Variants in MPLKIP observed in about 807,000 individuals in gnomAD.
The protein encoded by MPLKIP is M-phase specific PLK1 interacting protein.
A neutral mutation model predicts 16.9 loss-of-function variants in MPLKIP; 16 were observed. That is an observed-to-expected ratio of 0.94 (90% confidence interval 0.64 to 1.43). The LOEUF (loss-of-function observed/expected upper bound fraction) is 1.43, where lower values mean the gene tolerates loss of function less well. MPLKIP is among the 40% of genes most tolerant of loss of function. MPLKIP has a pLI of 0.00. For synonymous variants in MPLKIP, 126 were observed against 98.4 expected (o/e 1.28, Z -1.66); for missense variants, 282 against 237.6 (o/e 1.19, Z -1.23).
rs1254535475 is a variant in MPLKIP, at chr7:40,129,915, A to G, written c.*3144T>C. 6.6e-6 allele frequency: 1 copy of G among 152,182 alleles called. No individual in the cohort carries two copies. The highest frequency in any genetic ancestry group is 2.4e-5 in the African/African-American group (1 of 41,442). The allele number at this position is 152,182 out of a possible 1,614,324, so 9.4% of individuals were successfully genotyped here. A position where few individuals can be genotyped will look rare whatever the true frequency, so the allele number is the denominator to read the frequency against. On this transcript the variant is annotated 3_prime_UTR_variant, in exon 2 of 2. Coordinates refer to ENST00000306984, the MANE Select transcript of MPLKIP (RefSeq NM_138701.4). ...GTTGGGGTCATTTCTGCAAAACACA[A>G]CTTGCCATAGGTTTCTTTTGTAAAA...
Position 40,127,617 on chromosome 7 carries a change from G to C in MPLKIP, c.*5442C>G, listed in dbSNP as rs1467399758. The C allele has an allele frequency of 6.6e-6, 1 of 152,052 alleles. No homozygotes were observed. Among genetic ancestry groups the C allele is most frequent in the African/African-American group, 2.4e-5 (1 of 41,386 alleles). 9.4% of individuals were successfully genotyped at this position (152,052 alleles called of 1,614,324 possible). On this transcript the variant is annotated 3_prime_UTR_variant, in exon 2 of 2. Coordinates refer to ENST00000306984, the MANE Select transcript of MPLKIP (RefSeq NM_138701.4). ...ATGTATTTAACATCTCTGAAATTAA[G>C]ATGTATCTTATAATCAATGACATGT...
Position 40,129,138 on chromosome 7 carries a change from G to C in MPLKIP, c.*3921C>G, listed in dbSNP as rs932593568. Reference sequence around the variant, plus strand: ...CCTTTCACACAATGTACCCACAAAGGAAATGATTTTTTGAATAGTCCAGAA... The same window carrying C: ...CCTTTCACACAATGTACCCACAAAGCAAATGATTTTTTGAATAGTCCAGAA... On this transcript the variant is annotated 3_prime_UTR_variant, in exon 2 of 2. Coordinates refer to ENST00000306984, the MANE Select transcript of MPLKIP (RefSeq NM_138701.4). 6.6e-6 allele frequency: 1 copy of C among 151,966 alleles called. No individual in the cohort carries two copies. Among genetic ancestry groups the C allele is most frequent in the Non-Finnish European group, 1.5e-5 (1 of 68,024 alleles). 9.4% of individuals were successfully genotyped at this position (151,966 alleles called of 1,614,324 possible). A position where few individuals can be genotyped will look rare whatever the true frequency, so the allele number is the denominator to read the frequency against.
rs1378235959 is a variant in MPLKIP at position 40,129,516 on chromosome 7, A to G, written c.*3543T>C. 6.6e-6 allele frequency: 1 copy of G among 151,914 alleles called. No individual in the cohort carries two copies. Among genetic ancestry groups the G allele is most frequent in the Non-Finnish European group, 1.5e-5 (1 of 68,036 alleles). The allele number at this position is 151,914 out of a possible 1,614,324, so 9.4% of individuals were successfully genotyped here. The stretch of plus-strand genomic sequence containing the variant: ...AAGTGATCTGCCCACCTGGGCTCCC[A>G]AAGTGCTGGGATTACAGGTGTGAGC... On this transcript the variant is annotated 3_prime_UTR_variant, in exon 2 of 2. Transcript: ENST00000306984.
intron 1 of MPLKIP, 55 bp downstream of exon 1, chr7:40,134,174 A>C (rs1787538498): frequency 6.6e-7 from 1 of 1,519,626 alleles, no homozygotes; most frequent in Non-Finnish European, 8.9e-7. Flanking sequence ...AGGGAATATT[A>C]GTACCGTGCC....
Position 40,134,143 on chromosome 7 carries a change from T to C in MPLKIP, c.339+86A>G, listed in dbSNP as rs1334652272. ...CTAACAATAGTACCTCAGAGAGGAT[T>C]AGACAAAATAATCCACGTAAAGGGA... On this transcript the variant is annotated intron_variant, in intron 1 of 1. Coordinates refer to ENST00000306984, the MANE Select transcript of MPLKIP (RefSeq NM_138701.4). 2.7e-6 allele frequency: 4 copies of C among 1,458,994 alleles called. No individual in the cohort carries two copies. The African/African-American group carries it at 4.2e-5, about 15-fold the overall frequency. The allele number at this position is 1,458,994 out of a possible 1,614,324, so 90.4% of individuals were successfully genotyped here.
chr7:40,133,145 G>C lies in MPLKIP; in HGVS notation c.454C>G (p.Leu152Val). ...PSMLEDPWAG[L>V]EPVSVVDISQ... ...ATATCCACTACAGATACTGGTTCTA[G>C]GCCAGCCCAAGGATCTTCAAGCATT... The change falls in exon 2 of 2, where the codon CTA becomes GTA. Residue 152 changes from leucine (L) to valine (V), a missense_variant. By Grantham distance (32) the Leu-to-Val change is conservative. Coordinates refer to ENST00000306984, the MANE Select transcript of MPLKIP (RefSeq NM_138701.4). 6.2e-7 allele frequency: 1 copy of C among 1,613,910 alleles called. No individual in the cohort carries two copies. Among genetic ancestry groups the C allele is most frequent in the Non-Finnish European group, 8.5e-7 (1 of 1,179,968 alleles).
At position 40,126,776 on chromosome 7, in the gene MPLKIP, G is replaced by T. The variant is rs935020425; in HGVS notation, c.*6283C>A. 2 of 150,840 alleles carry T rather than the reference G, an allele frequency of 1.3e-5. No individual in the cohort carries two copies. The highest frequency in any genetic ancestry group is 3.0e-5 in the Non-Finnish European group (2 of 67,776). The allele number at this position is 150,840 out of a possible 1,614,324, so 9.3% of individuals were successfully genotyped here. ...GAACAAATACAAGTATCTGAGAAGA[G>T]TTAACCCTAATTAAATAAAGCCGAT... On this transcript the variant is annotated 3_prime_UTR_variant, in exon 2 of 2. Transcript: ENST00000306984.
Position 40,131,013 on chromosome 7 carries a change from T to A in MPLKIP, c.*2046A>T, listed in dbSNP as rs1279134814. 2.6e-5 allele frequency: 4 copies of A among 152,186 alleles called. No individual in the cohort carries two copies. The East Asian group carries it at 7.7e-4, about 29-fold the overall frequency. 9.4% of individuals were successfully genotyped at this position (152,186 alleles called of 1,614,324 possible). On this transcript the variant is annotated 3_prime_UTR_variant, in exon 2 of 2. Transcript: ENST00000306984. The stretch of plus-strand genomic sequence containing the variant: ...TACCACTTATTGAGTGCTTACTATG[T>A]GCCAGGCTCTGGCTTAAGAGTTTCA...
At position 40,131,157 on chromosome 7, in the gene MPLKIP, T is replaced by C. The variant is rs1383347324; in HGVS notation, c.*1902A>G. On this transcript the variant is annotated 3_prime_UTR_variant, in exon 2 of 2. Transcript: ENST00000306984. ...GAAGTGAACTCATCCAGCTAGTAAC[T>C]TGTAGAAACAGCATTTCCAAAATCC... 6.6e-6 allele frequency: 1 copy of C among 152,170 alleles called. No homozygotes were observed. Among genetic ancestry groups the C allele is most frequent in the East Asian group, 1.9e-4 (1 of 5,198 alleles). 9.4% of individuals were successfully genotyped at this position (152,170 alleles called of 1,614,324 possible). A position where few individuals can be genotyped will look rare whatever the true frequency, so the allele number is the denominator to read the frequency against.
chr7:40,134,459 G>A lies in MPLKIP; in HGVS notation c.109C>T (p.Arg37Trp), dbSNP rs778600723. 11 of 1,569,986 alleles carry A rather than the reference G, an allele frequency of 7.0e-6. No homozygotes were observed. Among genetic ancestry groups the A allele is most frequent in the Non-Finnish European group, 9.5e-6 (11 of 1,159,604 alleles). ...FRGTPGGGGP[R>W]PPSPRDGYGS... ...TACCCGTCTCGAGGGGAGGGCGGCC[G>A]TGGTCCGCCCCCGCCCGGGGTTCCC... The change falls in exon 1 of 2, where the codon CGG becomes TGG. Residue 37 changes from arginine (R) to tryptophan (W), a missense_variant. Physicochemically the swap from Arg to Trp is moderately radical, Grantham distance 101 (BLOSUM62 -3). Transcript: ENST00000306984.
rs1476745313 is a variant in MPLKIP, at chr7:40,133,087, G to A, written c.512C>T (p.Thr171Ile). 6.2e-7 allele frequency: 1 copy of A among 1,613,746 alleles called. No homozygotes were observed. Among genetic ancestry groups the A allele is most frequent in the Admixed American group, 1.7e-5 (1 of 60,008 alleles). ...ACAAAAGTATCTTCCTTTTTTGCCTGTGAATGTTTGAGTATTGCTGTATTG... is the reference window on the plus strand; with the variant it reads ...ACAAAAGTATCTTCCTTTTTTGCCTATGAATGTTTGAGTATTGCTGTATTG... ...SQQYSNTQTF[T>I]GKKGRYFC Residue 171 changes from threonine (T) to isoleucine (I), a missense_variant, in exon 2 of 2, where the codon ACA becomes ATA. Physicochemically the swap from Thr to Ile is moderately conservative, Grantham distance 89. Transcript: ENST00000306984.
rs549745947 is a variant in MPLKIP, at chr7:40,132,390, A to G, written c.*669T>C. 2 of 152,500 alleles carry G rather than the reference A, an allele frequency of 1.3e-5. No individual in the cohort carries two copies. Among genetic ancestry groups the G allele is most frequent in the African/African-American group, 4.8e-5 (2 of 41,588 alleles). The allele number at this position is 152,500 out of a possible 1,614,324, so 9.4% of individuals were successfully genotyped here. A position where few individuals can be genotyped will look rare whatever the true frequency, so the allele number is the denominator to read the frequency against. On this transcript the variant is annotated 3_prime_UTR_variant, in exon 2 of 2. Coordinates refer to ENST00000306984, the MANE Select transcript of MPLKIP (RefSeq NM_138701.4). ...TGGCCTCAAGAGAAACTAACTCCAT[A>G]ATGCTAAGAGGTATAGAGAAATTCA...
chr7:40,132,978 G>A lies in MPLKIP; in HGVS notation c.*81C>T, dbSNP rs1482803825. ...TATCCAATCAAAGTCATCATCTTTG[G>A]GTAAATTTATATCAACACAACTTAA... On this transcript the variant is annotated 3_prime_UTR_variant, in exon 2 of 2. Transcript: ENST00000306984. 9 of 1,229,878 alleles carry A rather than the reference G, an allele frequency of 7.3e-6. No individual in the cohort carries two copies. In the South Asian group the frequency reaches 1.0e-4, roughly 14 times the overall value. The allele number at this position is 1,229,878 out of a possible 1,614,324, so 76.2% of individuals were successfully genotyped here. A position where few individuals can be genotyped will look rare whatever the true frequency, so the allele number is the denominator to read the frequency against.
rs1477300802 is a variant in MPLKIP, at chr7:40,130,297, G to A, written c.*2762C>T. ...AAAAAACAATCCCTTTCATTTTAAA[G>A]AATAATCAATTCCTTTTACTCAGAT... On this transcript the variant is annotated 3_prime_UTR_variant, in exon 2 of 2. Transcript: ENST00000306984. 1 of 152,120 alleles carries A rather than the reference G, an allele frequency of 6.6e-6. No homozygotes were observed. Among genetic ancestry groups the A allele is most frequent in the Non-Finnish European group, 1.5e-5 (1 of 68,012 alleles). The allele number at this position is 152,120 out of a possible 1,614,324, so 9.4% of individuals were successfully genotyped here.
chr7:40,134,301 G>C lies in MPLKIP; in HGVS notation c.267C>G (p.Ser89=), dbSNP rs757220728. ...GSPSPGGYPG[S]YSRSPAGSQQ... is the part of the protein sequence containing the mutation. ...GGGACCCCGCGGGGGACCTGGAGTA[G>C]GAGCCAGGGTAGCCGCCAGGGGACG... Residue 89 remains serine, a synonymous_variant, in exon 1 of 2, where the codon TCC becomes TCG. Coordinates refer to ENST00000306984, the MANE Select transcript of MPLKIP (RefSeq NM_138701.4). 6 of 1,558,170 alleles carry C rather than the reference G, an allele frequency of 3.9e-6. No homozygotes were observed. Among genetic ancestry groups the C allele is most frequent in the African/African-American group, 1.4e-5 (1 of 73,518 alleles).
In MPLKIP at chr7:40,133,207, C is replaced by A; in HGVS notation, c.392G>T (p.Arg131Ile). The stretch of plus-strand genomic sequence containing the variant: ...ATAATTTTCCAACTCATTAGACATT[C>A]TTTTTTCTCTAACACGCCCTGATCC... ...PFGSGRVREKRMSNELENYFK... is the reference protein window; with the variant it reads ...PFGSGRVREKIMSNELENYFK... Residue 131 changes from arginine (R) to isoleucine (I), a missense_variant, in exon 2 of 2, where the codon AGA becomes ATA. Arg to Ile is a moderately conservative substitution (Grantham distance 97). Coordinates refer to ENST00000306984, the MANE Select transcript of MPLKIP (RefSeq NM_138701.4). The A allele has an allele frequency of 6.2e-7, 1 of 1,613,712 alleles. No homozygotes were observed. The highest frequency in any genetic ancestry group is 8.5e-7 in the Non-Finnish European group (1 of 1,179,964).
At chr7:40,134,153 A>C (rs940650240) in intron 1 of MPLKIP, 76 bp downstream of exon 1, 8 of 1,492,260 alleles carry the variant, frequency 5.4e-6, no homozygotes, top group Non-Finnish European at 7.3e-6. Flanking sequence ...TAGACAAAAT[A>C]ATCCACGTAA....
Position 40,127,712 on chromosome 7 carries a change from T to C in MPLKIP, c.*5347A>G, listed in dbSNP as rs1201142122. The C allele has an allele frequency of 2.0e-5, 3 of 152,074 alleles. No homozygotes were observed. The highest frequency in any genetic ancestry group is 7.2e-5 in the African/African-American group (3 of 41,404). 9.4% of individuals were successfully genotyped at this position (152,074 alleles called of 1,614,324 possible). On this transcript the variant is annotated 3_prime_UTR_variant, in exon 2 of 2. Transcript: ENST00000306984. ...ATAGTGAATCTCAAAGCATCTTAAA[T>C]TAGATGATAAATTATGGAAATTATG...
At chr7:40,134,108 C>G in intron 1 of MPLKIP, 121 bp downstream of exon 1, 1 of 1,191,876 alleles carries the variant, frequency 8.4e-7, no homozygotes, top group Non-Finnish European at 1.2e-6. Context: ...CGCTCATCTG[C>G]AAAATTGGGC....
Sources: allele counts gnomAD v4.1 joint callset, GRCh38; gene constraint gnomAD v4.1.1; transcripts MANE v1.5; gene names NCBI Gene and HGNC (gene_info 2026-07-23, HGNC 2026-07-21).